BLTP2: variants seen among roughly 807,000 people sequenced by gnomAD.
BLTP2 encodes the protein U937-associated antigen.
the BLTP2 span, chr17:28,633,075 G>C: frequency 2.5e-6 from 4 of 1,592,556 alleles, no homozygotes; most frequent in Non-Finnish European, 3.4e-6. Flanking sequence ...TGACACTATG[G>C]TGATCATGGG....
chr17:28,618,899 C>T, the BLTP2 span: 6 of 1,614,150 alleles, frequency 3.7e-6, no homozygotes, highest in South Asian at 2.2e-5. Context: ...TGCGACGGAC[C>T]ACACTCACAT....
At chr17:28,624,386 A>G in the BLTP2 span, 2 of 1,611,184 alleles carry the variant, frequency 1.2e-6, no homozygotes, top group Admixed American at 3.4e-5. Context: ...GCAACATGTA[A>G]GCACCTGGCA....
chr17:28,625,379 A>G, the BLTP2 span, among the ~76,000 whole-genome samples: 1 of 151,060 alleles, frequency 6.6e-6, no homozygotes, highest in Non-Finnish European at 1.5e-5. Context: ...AAGAAAAAGA[A>G]AAAAGAAAAA....
At chr17:28,632,548 G>A in the BLTP2 span, among the ~76,000 whole-genome samples, 14 of 152,150 alleles carry the variant, frequency 9.2e-5, no homozygotes, top group East Asian at 1.5e-3. Flanking sequence ...AATAGGATTA[G>A]TGCCCTTTTA....
At chr17:28,633,792 T>C in the BLTP2 span, 3 of 1,601,898 alleles carry the variant, frequency 1.9e-6, no homozygotes, top group Admixed American at 1.7e-5. Flanking sequence ...TTCACAACAT[T>C]ACCCCTCTCT....
the BLTP2 span, chr17:28,618,945 C>T: frequency 1.9e-6 from 3 of 1,613,866 alleles, no homozygotes; most frequent in South Asian, 1.1e-5. Context: ...CTTGTTAGCC[C>T]GCTGCAGTTG....
chr17:28,622,126 A>G, the BLTP2 span, among the ~76,000 whole-genome samples: 1 of 152,312 alleles, frequency 6.6e-6, no homozygotes, highest in African/African-American at 2.4e-5. Flanking sequence ...CCACAAAAGA[A>G]GGCATGCCTA....
chr17:28,637,857 A>G, the BLTP2 span: 4 of 1,614,074 alleles, frequency 2.5e-6, no homozygotes, highest in Non-Finnish European at 3.4e-6. Context: ...GAAAGGGTAA[A>G]CAAGTTCATG....
the BLTP2 span, chr17:28,615,802 T>C: frequency 7.4e-6 from 12 of 1,613,058 alleles, no homozygotes; most frequent in Non-Finnish European, 1.0e-5. Flanking sequence ...TCTCACCCTG[T>C]AAGAGGAGGG....
chr17:28,644,161 T>C, the BLTP2 span: 1 of 1,613,966 alleles, frequency 6.2e-7, no homozygotes, highest in Non-Finnish European at 8.5e-7. Context: ...CTGACACCAC[T>C]TGGTGGCCAA....
chr17:28,618,639 A>G, the BLTP2 span: 1 of 587,258 alleles, frequency 1.7e-6, no homozygotes, highest in Non-Finnish European at 3.0e-6. Context: ...GCTCATTAAT[A>G]TGATTAATGA....
At chr17:28,638,540 GA>G in the BLTP2 span, 1 of 1,610,714 alleles carries the variant, frequency 6.2e-7, no homozygotes, top group African/African-American at 1.3e-5. Context: ...AGATAGAATT[GA>G]ATCCCAAGGC....
the BLTP2 span, chr17:28,635,843 C>A: frequency 2.2e-6 from 1 of 457,290 alleles, no homozygotes; most frequent in Non-Finnish European, 3.9e-6. Context: ...TTCTCTTCAA[C>A]TGGATTCTAA....
At chr17:28,615,858 T>G in the BLTP2 span, 1 of 1,584,056 alleles carries the variant, frequency 6.3e-7, no homozygotes, top group Non-Finnish European at 8.6e-7. Flanking sequence ...TCAGCTGCCA[T>G]TTTGAGTCCC....
At chr17:28,626,243 G>A in the BLTP2 span, among the ~76,000 whole-genome samples, 1 of 152,046 alleles carries the variant, frequency 6.6e-6, no homozygotes, top group African/African-American at 2.4e-5. Flanking sequence ...ACTGTACAAG[G>A]ACCAAAAACT....
the BLTP2 span, chr17:28,617,382 T>A: frequency 2.4e-6 from 3 of 1,241,208 alleles, no homozygotes; most frequent in Admixed American, 1.8e-5. Context: ...ACTAGACAAT[T>A]GTTATGTATC....
At chr17:28,639,437 G>A in the BLTP2 span, 5 of 1,612,744 alleles carry the variant, frequency 3.1e-6, no homozygotes, top group Admixed American at 3.3e-5. Flanking sequence ...GAACTAGGGA[G>A]GCTGAGAGGT....
chr17:28,643,506 C>T, the BLTP2 span: 8 of 1,393,008 alleles, frequency 5.7e-6, no homozygotes, highest in Non-Finnish European at 8.1e-6. Context: ...GCAACAACCT[C>T]CCTTCCTCCT....
At chr17:28,629,492 T>C in the BLTP2 span, among the ~76,000 whole-genome samples, 1 of 152,114 alleles carries the variant, frequency 6.6e-6, no homozygotes, top group African/African-American at 2.4e-5. Context: ...TTATTTATTT[T>C]TTGGAAACAG....
Sources: gnomAD v4.1 joint callset for allele counts (sites outside exome capture counted in the v4.1 genomes callset) on GRCh38, gnomAD v4.1.1 for gene constraint, MANE v1.5 for transcripts, NCBI Gene and HGNC (gene_info 2026-07-23, HGNC 2026-07-21) for gene names.